SPRR2G: variants seen among roughly 807,000 people sequenced by gnomAD.
SPRR2G encodes the protein small proline rich protein 2G.
SPRR2G carries 1 observed loss-of-function variant against 0.7 expected under a neutral mutation model. That is an observed-to-expected ratio of 1.49 (90% CI 0.53 to 7.06). The LOEUF is 7.06. SPRR2G is among the 30% of genes most tolerant of loss of function. The pLI is 0.14. For synonymous variants in SPRR2G, 38 were observed against 33.9 expected (o/e 1.12, Z -0.42); for missense variants, 96 against 88.5 (o/e 1.09, Z -0.34).
At chr1:153,158,356 CA>C in the SPRR2G span, among the ~76,000 whole-genome samples, 1 of 152,196 alleles carries the variant, frequency 6.6e-6, no homozygotes, top group Non-Finnish European at 1.5e-5. Context: ...AGGTCCCATG[CA>C]AGTCTGAAAC....
At chr1:153,179,854 A>G in the SPRR2G span, among the ~76,000 whole-genome samples, 8 of 152,128 alleles carry the variant, frequency 5.3e-5, no homozygotes, top group African/African-American at 1.7e-4. Flanking sequence ...GCAATCCCAT[A>G]TCAGAACAAC....
chr1:153,155,132 C>T (rs915643336), upstream of SPRR2G, among the ~76,000 whole-genome samples: 4 of 152,134 alleles, frequency 2.6e-5, no homozygotes, highest in African/African-American at 9.7e-5. Flanking sequence ...TCTCTAGTTA[C>T]AATATCAATG....
the SPRR2G span, among the ~76,000 whole-genome samples, chr1:153,202,632 T>C: frequency 2.6e-5 from 4 of 152,324 alleles, no homozygotes; most frequent in African/African-American, 7.2e-5. Flanking sequence ...TTCCTTCAGA[T>C]GTGGAGATTT....
At chr1:153,182,059 G>GCAT in the SPRR2G span, among the ~76,000 whole-genome samples, 8 of 152,018 alleles carry the variant, frequency 5.3e-5, no homozygotes, top group African/African-American at 1.9e-4. Flanking sequence ...AGAATTCTCT[G>GCAT]CATCCTCTCA....
chr1:153,179,090 A>G, the SPRR2G span, among the ~76,000 whole-genome samples: 2 of 152,174 alleles, frequency 1.3e-5, no homozygotes, highest in Admixed American at 6.6e-5. Flanking sequence ...AGAAGTCAGG[A>G]CATCAAGAGG....
the SPRR2G span, among the ~76,000 whole-genome samples, chr1:153,201,950 T>G: frequency 3.3e-5 from 5 of 152,218 alleles, no homozygotes; most frequent in East Asian, 1.9e-4. Flanking sequence ...TTCCCCTGTT[T>G]CCTCAGCTCT....
the SPRR2G span, among the ~76,000 whole-genome samples, chr1:153,198,965 C>G: frequency 6.6e-6 from 1 of 152,096 alleles, no homozygotes; most frequent in Non-Finnish European, 1.5e-5. Context: ...AAGTGGGAGT[C>G]TACCCATGTC....
At position 153,149,793 on chromosome 1, in the gene SPRR2G, C is replaced by T. The variant is rs1656418195; in HGVS notation, c.*96G>A. The T allele has an allele frequency of 6.8e-7, 1 of 1,469,576 alleles. No individual in the cohort carries two copies. Among genetic ancestry groups the T allele is most frequent in the Non-Finnish European group, 9.4e-7 (1 of 1,059,270 alleles). The allele number at this position is 1,469,576 out of a possible 1,614,324, so 91.0% of individuals were successfully genotyped here. The stretch of plus-strand genomic sequence containing the variant: ...CAGACAGAGGTTAGGGAAGATGCAG[C>T]CTCCCACTACAGCTGAAGGGAAGAT... On this transcript the variant is annotated 3_prime_UTR_variant, in exon 2 of 2. Coordinates refer to ENST00000368748, the MANE Select transcript of SPRR2G (RefSeq NM_001014291.4).
chr1:153,167,840 A>G, the SPRR2G span, among the ~76,000 whole-genome samples: 1 of 152,232 alleles, frequency 6.6e-6, no homozygotes, highest in Non-Finnish European at 1.5e-5. Context: ...ACAATAATAT[A>G]GTAATGTTTT....
chr1:153,172,355 G>C, the SPRR2G span, among the ~76,000 whole-genome samples: 6 of 152,036 alleles, frequency 3.9e-5, no homozygotes, highest in Non-Finnish European at 8.8e-5. Context: ...GGTCTCATGC[G>C]GTTGACTTTT....
At chr1:153,154,769 G>A (rs949692268), upstream of SPRR2G, among the ~76,000 whole-genome samples, 1 of 147,224 alleles carries the variant, frequency 6.8e-6, no homozygotes, top group Non-Finnish European at 1.5e-5. Context: ...TCTAGCTAGA[G>A]GTTTGTCAAA....
At chr1:153,192,695 G>C in the SPRR2G span, among the ~76,000 whole-genome samples, 4 of 152,028 alleles carry the variant, frequency 2.6e-5, no homozygotes, top group African/African-American at 4.8e-5. Flanking sequence ...TCTTCTCCTG[G>C]GCCTAAATTT....
At chr1:153,151,873 G>A (rs79792745), upstream of SPRR2G, among the ~76,000 whole-genome samples, 8 of 152,212 alleles carry the variant, frequency 5.3e-5, no homozygotes, top group East Asian at 1.9e-4. Context: ...CAGATCCCAC[G>A]GATAATTTCT....
At chr1:153,200,700 A>AT in the SPRR2G span, among the ~76,000 whole-genome samples, 13,368 of 138,422 alleles carry the variant, frequency 0.097, 1,328 homozygotes, top group African/African-American at 0.25. Flanking sequence ...TGAAAGCAGG[A>AT]TTTTTTTTTT....
At chr1:153,195,469 C>G in the SPRR2G span, among the ~76,000 whole-genome samples, 2 of 152,184 alleles carry the variant, frequency 1.3e-5, no homozygotes, top group Non-Finnish European at 2.9e-5. Context: ...GTTCATCTAA[C>G]TGTTGCCTCC....
At chr1:153,175,288 G>T in the SPRR2G span, among the ~76,000 whole-genome samples, 1 of 152,212 alleles carries the variant, frequency 6.6e-6, no homozygotes, top group Non-Finnish European at 1.5e-5. Flanking sequence ...AGGCAGTTGT[G>T]TTATCCTGCC....
the SPRR2G span, among the ~76,000 whole-genome samples, chr1:153,164,330 G>A: frequency 4.1e-4 from 62 of 152,320 alleles, no homozygotes; most frequent in African/African-American, 1.4e-3. Context: ...CAAGAAAGGT[G>A]AAAAGTGGGT....
At chr1:153,163,580 G>A in the SPRR2G span, among the ~76,000 whole-genome samples, 72,292 of 151,466 alleles carry the variant, frequency 0.48, 18,312 homozygotes, top group East Asian at 0.64. Context: ...AAAGCAAGAG[G>A]GGTGTCCCAT....
chr1:153,153,398 AT>A (rs1557934271), upstream of SPRR2G, among the ~76,000 whole-genome samples: 1 of 152,170 alleles, frequency 6.6e-6, no homozygotes, highest in African/African-American at 2.4e-5. Context: ...TTTTCTTAAC[AT>A]TTCTGCAATT....
Sources: allele counts gnomAD v4.1 joint callset (sites outside exome capture counted in the v4.1 genomes callset), GRCh38; gene constraint gnomAD v4.1.1; transcripts MANE v1.5; gene names NCBI Gene and HGNC (gene_info 2026-07-23, HGNC 2026-07-21).